SUPT3H: variants seen among roughly 807,000 people sequenced by gnomAD.
SUPT3H encodes the protein SPT3 homolog, SAGA and STAGA complex component.
SUPT3H carries 44 observed loss-of-function variants against 44.3 expected under a neutral mutation model. The observed-to-expected ratio is 0.99, with a 90% CI of 0.78 to 1.28. SUPT3H has a LOEUF of 1.28. Among genes scored for constraint, SUPT3H ranks in the 50% most tolerant of loss-of-function variants. The probability of loss-of-function intolerance (pLI) is 0.00; values close to 1 mark genes in which losing one functional copy is unlikely to be tolerated. For missense variants in SUPT3H, 380 were observed against 387.1 expected, an observed-to-expected ratio of 0.98 and a Z score of 0.15; for synonymous variants, 124 against 125.6, an observed-to-expected ratio of 0.99 and a Z score of 0.09.
At chr6:45,217,918 C>T (rs1765361174) in intron 2 of SUPT3H, among the ~76,000 whole-genome samples, 1 of 151,214 alleles carries the variant, frequency 6.6e-6, no homozygotes, top group Non-Finnish European at 1.5e-5. Context: ...AACAAAAAAA[C>T]ATATATATGA....
intron 2 of SUPT3H, among the ~76,000 whole-genome samples, chr6:45,345,464 C>T (rs1790657272): frequency 6.6e-6 from 1 of 152,046 alleles, no homozygotes; most frequent in South Asian, 2.1e-4. Flanking sequence ...TGATAGACTC[C>T]TCAACCAGGA....
At chr6:45,108,175 G>T (rs529241244) in intron 2 of SUPT3H, among the ~76,000 whole-genome samples, 5 of 152,162 alleles carry the variant, frequency 3.3e-5, no homozygotes, top group South Asian at 2.1e-4. Context: ...AAGCAATTAG[G>T]TAAGAAAAAG....
chr6:45,074,437 T>C (rs1794758180), intron 3 of SUPT3H, among the ~76,000 whole-genome samples: 1 of 151,902 alleles, frequency 6.6e-6, no homozygotes, highest in Non-Finnish European at 1.5e-5. Context: ...GTGAGATATA[T>C]GAAAGGCAAT....
chr6:45,140,980 ATAAGATC>A (rs1562537465), intron 2 of SUPT3H, among the ~76,000 whole-genome samples: 1 of 152,192 alleles, frequency 6.6e-6, no homozygotes, highest in East Asian at 1.9e-4. Flanking sequence ...ACAGCATTCT[ATAAGATC>A]ATAATGTTCA....
chr6:45,301,651 T>C (rs1037308539), intron 2 of SUPT3H, among the ~76,000 whole-genome samples: 4 of 152,192 alleles, frequency 2.6e-5, no homozygotes, highest in Non-Finnish European at 5.9e-5. Flanking sequence ...TTATTTCATA[T>C]GTATCATGTG....
chr6:45,360,966 A>C (rs1001807598), intron 2 of SUPT3H, among the ~76,000 whole-genome samples: 1 of 152,040 alleles, frequency 6.6e-6, no homozygotes, highest in African/African-American at 2.4e-5. Flanking sequence ...CCTGCCATAT[A>C]ATAAGGACTC....
intron 3 of SUPT3H, among the ~76,000 whole-genome samples, chr6:45,047,698 A>G (rs1279680163): frequency 6.6e-6 from 1 of 152,132 alleles, no homozygotes. Context: ...GTACTAATTT[A>G]TATTCCCACC....
downstream of SUPT3H, among the ~76,000 whole-genome samples, chr6:44,821,810 A>G (rs187313168): frequency 5.2e-4 from 79 of 152,318 alleles, no homozygotes; most frequent in Middle Eastern, 6.8e-3. Flanking sequence ...AGAAGGCACA[A>G]TCTACTCACC....
intron 10 of SUPT3H, among the ~76,000 whole-genome samples, chr6:44,899,492 C>G (rs943368021): frequency 6.6e-6 from 1 of 151,992 alleles, no homozygotes; most frequent in Non-Finnish European, 1.5e-5. Context: ...TCGAGACCAG[C>G]CTGGCCAACA....
intron 6 of SUPT3H, among the ~76,000 whole-genome samples, chr6:44,981,138 T>A (rs1276833551): frequency 6.6e-6 from 1 of 152,218 alleles, no homozygotes; most frequent in Non-Finnish European, 1.5e-5. Flanking sequence ...CAGCTATAGC[T>A]GCTATCCATC....
At chr6:45,313,658 A>T (rs1421032385) in intron 2 of SUPT3H, among the ~76,000 whole-genome samples, 1 of 150,526 alleles carries the variant, frequency 6.6e-6, no homozygotes. Context: ...AAAAATTATA[A>T]AAAAAAAAAA....
intron 6 of SUPT3H, among the ~76,000 whole-genome samples, chr6:44,970,710 T>C (rs1777449597): frequency 6.6e-6 from 1 of 152,174 alleles, no homozygotes; most frequent in Non-Finnish European, 1.5e-5. Context: ...CTAGATGAGC[T>C]GAAAGGCTTT....
chr6:45,164,754 C>T (rs912877077), intron 2 of SUPT3H, among the ~76,000 whole-genome samples: 1 of 152,104 alleles, frequency 6.6e-6, no homozygotes, highest in African/African-American at 2.4e-5. Flanking sequence ...TATATTTTGT[C>T]ATAAAAATTC....
At chr6:44,850,669 T>C (rs1772711546) in intron 10 of SUPT3H, among the ~76,000 whole-genome samples, 1 of 152,168 alleles carries the variant, frequency 6.6e-6, no homozygotes, top group African/African-American at 2.4e-5. Flanking sequence ...TACTGAACTT[T>C]CTTTTTTCAA....
intron 6 of SUPT3H, among the ~76,000 whole-genome samples, chr6:45,002,040 A>G (rs905182370): frequency 3.3e-5 from 5 of 152,114 alleles, no homozygotes; most frequent in African/African-American, 1.2e-4. Context: ...GATTTTTGTT[A>G]TGATACAAAG....
intron 3 of SUPT3H, among the ~76,000 whole-genome samples, chr6:45,100,475 AG>A (rs1429168807): frequency 7.1e-6 from 1 of 141,052 alleles, no homozygotes; most frequent in African/African-American, 2.6e-5. Flanking sequence ...CATGAGGCTG[AG>A]GGGGGAAATG....
chr6:45,167,448 G>T (rs1007340745), intron 2 of SUPT3H, among the ~76,000 whole-genome samples: 36 of 152,154 alleles, frequency 2.4e-4, no homozygotes, highest in African/African-American at 8.7e-4. Context: ...TTAAGATGAA[G>T]TCATATTAAG....
chr6:44,822,702 G>A (rs1261646571), downstream of SUPT3H, among the ~76,000 whole-genome samples: 2 of 152,166 alleles, frequency 1.3e-5, no homozygotes, highest in African/African-American at 4.8e-5. Flanking sequence ...CATTGTATTT[G>A]TCTTTAAGAG....
At chr6:45,152,021 G>T (rs1319503785) in intron 2 of SUPT3H, among the ~76,000 whole-genome samples, 9 of 151,958 alleles carry the variant, frequency 5.9e-5, no homozygotes, top group African/African-American at 2.2e-4. Flanking sequence ...TACTTTCTAG[G>T]TGACCTCATC....
Sources: gnomAD v4.1 joint callset for allele counts (sites outside exome capture counted in the v4.1 genomes callset) on GRCh38, gnomAD v4.1.1 for gene constraint, MANE v1.5 for transcripts, NCBI Gene and HGNC (gene_info 2026-07-23, HGNC 2026-07-21) for gene names.